The following AMOTL1 variants were observed in gnomAD, a reference collection of about 807,000 sequenced individuals.
The protein encoded by AMOTL1 is angiomotin like 1.
AMOTL1 carries 45 observed loss-of-function variants against 102.9 expected under a neutral mutation model. That is an observed-to-expected ratio of 0.44 (90% CI 0.34 to 0.56). The LOEUF is 0.56. Among genes scored for constraint, AMOTL1 ranks in the 20% least tolerant of loss-of-function variants. AMOTL1 has a pLI of 0.01. For missense variants in AMOTL1, 1,114 were observed against 1,225.6 expected (o/e 0.91, Z 1.36); for synonymous variants, 481 against 484.7 (o/e 0.99, Z 0.10).
At chr11:94,860,568 G>A (rs1177045160) in intron 9 of AMOTL1, among the ~76,000 whole-genome samples, 5 of 152,138 alleles carry the variant, frequency 3.3e-5, no homozygotes, top group Non-Finnish European at 7.4e-5. Flanking sequence ...ATGCAAAGTC[G>A]CTGCACACAC....
At position 94,859,724 on chromosome 11, in the gene AMOTL1, A is replaced by G. The variant is rs770828634; in HGVS notation, c.2135+9A>G. 7 of 1,596,024 alleles carry G rather than the reference A, an allele frequency of 4.4e-6. No individual in the cohort carries two copies. In the South Asian group the frequency reaches 7.9e-5, roughly 18 times the overall value. On this transcript the variant is annotated intron_variant, in intron 9 of 12. Transcript: ENST00000433060. ...ACTGCAGCAGCTGAGAGGTGAGACCAGTGGAACTCTGGTGGTCATAAAAGC... is the reference window on the plus strand; with the variant it reads ...ACTGCAGCAGCTGAGAGGTGAGACCGGTGGAACTCTGGTGGTCATAAAAGC...
At chr11:94,712,219 T>G (rs548902829) in intron 1 of AMOTL1, among the ~76,000 whole-genome samples, 2 of 152,130 alleles carry the variant, frequency 1.3e-5, no homozygotes, top group Non-Finnish European at 2.9e-5. Context: ...CTTTTCATGT[T>G]ATCATCTGTA....
At chr11:94,794,919 G>A (rs1951338251) in intron 1 of AMOTL1, 92 bp from the exon 2 acceptor site, 1 of 1,386,870 alleles carries the variant, frequency 7.2e-7, no homozygotes, top group South Asian at 1.5e-5. Context: ...TTGAAACACT[G>A]TGGGAGAATG....
At chr11:94,752,885 C>T (rs1004643819) in intron 3 of AMOTL1, among the ~76,000 whole-genome samples, 3 of 152,162 alleles carry the variant, frequency 2.0e-5, no homozygotes, top group Non-Finnish European at 4.4e-5. Context: ...ATCTGTAAAC[C>T]TGCCAGGGCT....
chr11:94,787,353 T>A (rs891754047), intron 1 of AMOTL1, among the ~76,000 whole-genome samples: 1 of 152,084 alleles, frequency 6.6e-6, no homozygotes, highest in African/African-American at 2.4e-5. Flanking sequence ...ACAAGGTTGG[T>A]GCCAAGGATA....
At chr11:94,844,224 G>A (rs1952362115) in intron 6 of AMOTL1, among the ~76,000 whole-genome samples, 1 of 152,154 alleles carries the variant, frequency 6.6e-6, no homozygotes, top group South Asian at 2.1e-4. Flanking sequence ...CCAGAAGCAG[G>A]TGCCAAAATG....
At chr11:94,862,681 T>C (rs1361356534) in intron 9 of AMOTL1, among the ~76,000 whole-genome samples, 1 of 152,246 alleles carries the variant, frequency 6.6e-6, no homozygotes, top group Non-Finnish European at 1.5e-5. Flanking sequence ...GTGTTTGCTC[T>C]CCTTACTTGG....
intron 2 of AMOTL1, among the ~76,000 whole-genome samples, chr11:94,738,788 G>A (rs1950474952): frequency 6.6e-6 from 1 of 152,190 alleles, no homozygotes; most frequent in African/African-American, 2.4e-5. Flanking sequence ...TCATGGATAA[G>A]TAAATTATAG....
At chr11:94,713,542 T>C (rs1386234255) in intron 1 of AMOTL1, among the ~76,000 whole-genome samples, 2 of 151,544 alleles carry the variant, frequency 1.3e-5, no homozygotes, top group East Asian at 3.9e-4. Context: ...TGAGTCTTCT[T>C]TGTTTTTTTT....
chr11:94,729,798 T>C (rs1950317477), intron 2 of AMOTL1, among the ~76,000 whole-genome samples: 1 of 152,228 alleles, frequency 6.6e-6, no homozygotes. Context: ...TATTCATTTA[T>C]TCAACAAATA....
rs759441153 is a variant in AMOTL1, at chr11:94,821,718, T to C, written c.1310T>C (p.Ile437Thr). The change falls in exon 4 of 13, where the codon ATT becomes ACT. Residue 437 changes from isoleucine to threonine, a missense_variant. Transcript: ENST00000433060. The part of the protein sequence containing the change: ...SQQLGPDAFA[I>T]VERAQQMVEI... Reference sequence around the variant, plus strand: ...CAGCTTGGTCCAGATGCCTTTGCGATTGTGGAGCGAGCCCAGCAAATGGTG... The same window carrying C: ...CAGCTTGGTCCAGATGCCTTTGCGACTGTGGAGCGAGCCCAGCAAATGGTG... 1 of 1,614,000 alleles carries C rather than the reference T, an allele frequency of 6.2e-7. No homozygotes were observed. Among genetic ancestry groups the C allele is most frequent in the East Asian group, 2.2e-5 (1 of 44,882 alleles).
At chr11:94,868,438 G>A (rs1248437300) in intron 11 of AMOTL1, among the ~76,000 whole-genome samples, 4 of 152,078 alleles carry the variant, frequency 2.6e-5, no homozygotes, top group African/African-American at 7.2e-5. Flanking sequence ...TGCACACCAC[G>A]CCTCCCATTT....
At chr11:94,767,619 C>T (rs1340610896), upstream of AMOTL1, among the ~76,000 whole-genome samples, 9 of 152,142 alleles carry the variant, frequency 5.9e-5, no homozygotes, top group Non-Finnish European at 8.8e-5. Context: ...GGGGCAGGCT[C>T]GGGCACCCCA....
intron 1 of AMOTL1, among the ~76,000 whole-genome samples, chr11:94,708,870 G>A (rs1949974707): frequency 6.6e-6 from 1 of 152,152 alleles, no homozygotes; most frequent in Admixed American, 6.6e-5. Flanking sequence ...CAGGAAACCA[G>A]TACAGTTAAC....
chr11:94,868,577 G>A (rs1399015072), intron 11 of AMOTL1, among the ~76,000 whole-genome samples: 1 of 152,160 alleles, frequency 6.6e-6, no homozygotes, highest in South Asian at 2.1e-4. Flanking sequence ...CAGTTCCACC[G>A]CAGAAATGTG....
chr11:94,829,785 A>G (rs1474016876), intron 4 of AMOTL1, among the ~76,000 whole-genome samples: 1 of 152,246 alleles, frequency 6.6e-6, no homozygotes, highest in Non-Finnish European at 1.5e-5. Context: ...CCTTTCTAAT[A>G]TTGGTACAGA....
intron 1 of AMOTL1, among the ~76,000 whole-genome samples, chr11:94,784,173 T>C (rs768767338): frequency 6.6e-6 from 1 of 152,054 alleles, no homozygotes; most frequent in African/African-American, 2.4e-5. Context: ...TTACTGGGAC[T>C]TTTTGGCTGC....
intron 6 of AMOTL1, among the ~76,000 whole-genome samples, chr11:94,837,305 C>T (rs181732603): frequency 2.0e-5 from 3 of 152,244 alleles, no homozygotes; most frequent in Non-Finnish European, 2.9e-5. Flanking sequence ...CCAATTTAGC[C>T]GCCAGAGCTC....
At position 94,799,365 on chromosome 11, in the gene AMOTL1, CTT is replaced by C; in HGVS notation, c.200-20_200-19del. The C allele has an allele frequency of 6.6e-7, 1 of 1,526,586 alleles. No homozygotes were observed. Among genetic ancestry groups the C allele is most frequent in the Non-Finnish European group, 8.8e-7 (1 of 1,132,204 alleles). The allele number at this position is 1,526,586 out of a possible 1,614,324, so 94.6% of individuals were successfully genotyped here. A position where few individuals can be genotyped will look rare whatever the true frequency, so the allele number is the denominator to read the frequency against. On this transcript the variant is annotated intron_variant, in intron 2 of 12. Transcript: ENST00000433060. The surrounding 1 kb of genome is among the most constrained non-coding windows in gnomAD (Gnocchi z 4.5). ...TATCTCCTGTGGAGCTGCCTGATAT[CTT>C]TTTTCCTATGTTTATCTTTTAGTTG...
Sources: gnomAD v4.1 joint callset for allele counts (sites outside exome capture counted in the v4.1 genomes callset) on GRCh38, gnomAD v4.1.1 for gene constraint, Gnocchi (gnomAD v3.1) non-coding constraint, MANE v1.5 for transcripts, NCBI Gene and HGNC (gene_info 2026-07-23, HGNC 2026-07-21) for gene names.